Variants in LRRC57 observed in about 807,000 individuals in gnomAD.
LRRC57 encodes leucine-rich repeat-containing protein 57.
A neutral mutation model predicts 23.1 loss-of-function variants in LRRC57; 14 were observed. That is an observed-to-expected ratio of 0.61 (90% confidence interval 0.40 to 0.95). LRRC57 has a LOEUF of 0.95. Among genes scored for constraint, LRRC57 ranks in the 40% least tolerant of loss-of-function variants. The probability of loss-of-function intolerance (pLI) is 0.00; values close to 1 mark genes in which losing one functional copy is unlikely to be tolerated. For missense variants in LRRC57, 236 were observed against 284.4 expected, an observed-to-expected ratio of 0.83 and a Z score of 1.22; for synonymous variants, 106 against 115.2, an observed-to-expected ratio of 0.92 and a Z score of 0.51.
chr15:42,544,659 C>T (rs2057647357), intron 5 of LRRC57, among the ~76,000 whole-genome samples: 1 of 151,632 alleles, frequency 6.6e-6, no homozygotes, highest in Non-Finnish European at 1.5e-5. Flanking sequence ...CCCATCCCTG[C>T]AAAAGTTAGC....
the LRRC57 span, chr15:42,531,678 TTTTC>T: frequency 4.5e-6 from 2 of 440,622 alleles, no homozygotes; most frequent in Non-Finnish European, 8.0e-6. Flanking sequence ...CCTTCTAGTA[TTTTC>T]TTTCTCAATT....
In LRRC57 at chr15:42,541,158, C is replaced by G. The variant is rs2057627246; in HGVS notation, c.*2925G>C. 6.6e-6 allele frequency: 1 copy of G among 152,090 alleles called. No individual in the cohort carries two copies. Among genetic ancestry groups the G allele is most frequent in the Admixed American group, 6.6e-5 (1 of 15,260 alleles). 9.4% of individuals were successfully genotyped at this position (152,090 alleles called of 1,614,324 possible). ...ATTAAAATTTAGAAAAAACAAAACT[C>G]CTAAACTGGTATGGATAAACTAGTA... On this transcript the variant is annotated 3_prime_UTR_variant, in exon 6 of 6. Coordinates refer to ENST00000397130, the MANE Select transcript of LRRC57 (RefSeq NM_153260.3).
chr15:42,530,581 C>T, the LRRC57 span, among the ~76,000 whole-genome samples: 5 of 152,112 alleles, frequency 3.3e-5, no homozygotes, highest in African/African-American at 4.8e-5. Context: ...GACCTCGACT[C>T]TACTAAAAAA....
chr15:42,547,896 C>T, intron 3 of LRRC57: 1 of 581,572 alleles, frequency 1.7e-6, no homozygotes, highest in East Asian at 2.9e-5. Flanking sequence ...TCCAAATTAA[C>T]CCAGTAACAA....
At chr15:42,548,484 G>A (rs902244167) in intron 1 of LRRC57, 28 bp from the exon 2 acceptor site, 18 of 1,584,868 alleles carry the variant, frequency 1.1e-5, no homozygotes, top group Admixed American at 1.7e-5. Context: ...TGCTGTCACC[G>A]CCCAGTCCAC....
At position 42,541,466 on chromosome 15, in the gene LRRC57, T is replaced by C. The variant is rs2057629002; in HGVS notation, c.*2617A>G. 6.6e-6 allele frequency: 1 copy of C among 152,236 alleles called. No individual in the cohort carries two copies. The highest frequency in any genetic ancestry group is 1.5e-5 in the Non-Finnish European group (1 of 68,050). The allele number at this position is 152,236 out of a possible 1,614,324, so 9.4% of individuals were successfully genotyped here. A position where few individuals can be genotyped will look rare whatever the true frequency, so the allele number is the denominator to read the frequency against. Reference sequence around the variant, plus strand: ...TTGCAGTGAGCCAAGATAGTGCTACTGCGCTCCAGTCTGGAATGAAATTCT... The same window carrying C: ...TTGCAGTGAGCCAAGATAGTGCTACCGCGCTCCAGTCTGGAATGAAATTCT... On this transcript the variant is annotated 3_prime_UTR_variant, in exon 6 of 6. Transcript: ENST00000397130.
rs202237391 is a variant in LRRC57 at position 42,548,286 on chromosome 15, T to C, written c.85-42A>G. 2.5e-6 allele frequency: 4 copies of C among 1,613,866 alleles called. No individual in the cohort carries two copies. In the East Asian group the frequency reaches 6.7e-5, roughly 27 times the overall value. On this transcript the variant is annotated intron_variant, in intron 2 of 5. Transcript: ENST00000397130. The stretch of plus-strand genomic sequence containing the variant: ...ACAGCGTGGGGAATCCCGCACCGAC[T>C]AAGTTCGCCGCCCCCGCCGTCCCTC...
At position 42,548,199 on chromosome 15, in the gene LRRC57, C is replaced by G. The variant is rs775836007; in HGVS notation, c.130G>C (p.Asp44His). The G allele has an allele frequency of 1.9e-6, 3 of 1,614,160 alleles. No homozygotes were observed. The highest frequency in any genetic ancestry group is 2.5e-6 in the Non-Finnish European group (3 of 1,180,022). The change falls in exon 3 of 6, where the codon GAC (aspartate) becomes CAC (histidine). Residue 44 changes from aspartate to histidine, a missense_variant. Asp to His is a moderately conservative substitution (Grantham distance 81). Coordinates refer to ENST00000397130, the MANE Select transcript of LRRC57 (RefSeq NM_153260.3). ...CTTTCGATCTTGTTGTTGGACAAGTCGATGGTCCTGAGATTGCTCGTCAGC... is the reference window on the plus strand; with the variant it reads ...CTTTCGATCTTGTTGTTGGACAAGTGGATGGTCCTGAGATTGCTCGTCAGC... Reference protein sequence around the residue: ...QKLTSNLRTIDLSNNKIESLP... With the variant: ...QKLTSNLRTIHLSNNKIESLP...
downstream of LRRC57, among the ~76,000 whole-genome samples, chr15:42,533,590 T>A (rs2057584608): frequency 6.6e-6 from 1 of 152,210 alleles, no homozygotes; most frequent in Admixed American, 6.5e-5. Context: ...CTGTTCTGGA[T>A]AAAGGAAATA....
In LRRC57 at chr15:42,544,142, A is replaced by G; in HGVS notation, c.679-18T>C. On this transcript the variant is annotated intron_variant, in intron 5 of 5. Transcript: ENST00000397130. ...TCCATGTACTAAAAAACATGAAAGA[A>G]TACATAAGGGGTATTTTGGCATGAG... 1 of 1,603,230 alleles carries G rather than the reference A, an allele frequency of 6.2e-7. No individual in the cohort carries two copies. The highest frequency in any genetic ancestry group is 8.5e-7 in the Non-Finnish European group (1 of 1,173,230).
chr15:42,547,465 G>A lies in LRRC57; in HGVS notation c.288C>T (p.His96=), dbSNP rs933471879. ...KLETLSLNNN[H]LRELPSTFGQ... ...CAAAGGTAGACGGCAGCTCTCTAAG[G>A]TGATTGTTGTTTAGGCTTAGCGTCT... The change falls in exon 4 of 6, where the codon CAC becomes CAT. Residue 96 remains histidine (H), a synonymous_variant. Coordinates refer to ENST00000397130, the MANE Select transcript of LRRC57 (RefSeq NM_153260.3). 4 of 1,613,974 alleles carry A rather than the reference G, an allele frequency of 2.5e-6. No individual in the cohort carries two copies. The African/African-American group carries it at 4.0e-5, about 16-fold the overall frequency.
At chr15:42,537,180 A>G (rs1245017462), downstream of LRRC57, among the ~76,000 whole-genome samples, 1 of 150,730 alleles carries the variant, frequency 6.6e-6, no homozygotes, top group Non-Finnish European at 1.5e-5. Context: ...GGTGTTCAGG[A>G]CCAGCCTGGG....
At chr15:42,537,794 T>C (rs548376354), downstream of LRRC57, 17 of 152,286 alleles carry the variant, frequency 1.1e-4, no homozygotes, top group African/African-American at 4.1e-4. Flanking sequence ...TTAAGTGAAA[T>C]AATCCAGGCA....
the LRRC57 span, chr15:42,531,548 G>A: frequency 7.9e-7 from 1 of 1,263,910 alleles, no homozygotes; most frequent in East Asian, 2.4e-5. Context: ...TACCTTTTCA[G>A]AGTTTAAGTT....
At chr15:42,535,622 C>T (rs1459362214), downstream of LRRC57, among the ~76,000 whole-genome samples, 4 of 152,126 alleles carry the variant, frequency 2.6e-5, no homozygotes, top group East Asian at 1.9e-4. Flanking sequence ...GCCATGTTGG[C>T]GAGGCTGGTT....
At chr15:42,536,595 A>G (rs554843818), downstream of LRRC57, among the ~76,000 whole-genome samples, 1 of 152,358 alleles carries the variant, frequency 6.6e-6, no homozygotes, top group African/African-American at 2.4e-5. Flanking sequence ...ACCCAGGTTG[A>G]AACTTTCCCA....
At chr15:42,548,618 C>G (rs1359354897) in intron 1 of LRRC57, 75 bp downstream of exon 1, 2 of 653,182 alleles carry the variant, frequency 3.1e-6, no homozygotes, top group East Asian at 5.5e-5. Context: ...ACCACCAAGC[C>G]CTGCCGCCTT....
In LRRC57 at chr15:42,541,180, A is replaced by G. The variant is rs2057627435; in HGVS notation, c.*2903T>C. ...ACTCCTAAACTGGTATGGATAAACT[A>G]GTACCCCTTTCAAAGTGAGAAATAG... On this transcript the variant is annotated 3_prime_UTR_variant, in exon 6 of 6. Coordinates refer to ENST00000397130, the MANE Select transcript of LRRC57 (RefSeq NM_153260.3). 1 of 152,214 alleles carries G rather than the reference A, an allele frequency of 6.6e-6. No individual in the cohort carries two copies. Among genetic ancestry groups the G allele is most frequent in the East Asian group, 1.9e-4 (1 of 5,196 alleles). 9.4% of individuals were successfully genotyped at this position (152,214 alleles called of 1,614,324 possible). A position where few individuals can be genotyped will look rare whatever the true frequency, so the allele number is the denominator to read the frequency against.
chr15:42,547,947 T>A lies in LRRC57; in HGVS notation c.223+159A>T. The A allele has an allele frequency of 1.1e-5, 7 of 663,846 alleles. No individual in the cohort carries two copies. In the South Asian group the frequency reaches 1.4e-4, roughly 13 times the overall value. 41.1% of individuals were successfully genotyped at this position (663,846 alleles called of 1,614,324 possible). A position where few individuals can be genotyped will look rare whatever the true frequency, so the allele number is the denominator to read the frequency against. On this transcript the variant is annotated intron_variant, in intron 3 of 5. Transcript: ENST00000397130. Reference sequence around the variant, plus strand: ...ATCATTATAAGGCTTATTTTAGATGTAATTACAAGAAGTAGAAAGAAGGCT... The same window carrying A: ...ATCATTATAAGGCTTATTTTAGATGAAATTACAAGAAGTAGAAAGAAGGCT...
Sources: gnomAD v4.1 joint callset for allele counts (sites outside exome capture counted in the v4.1 genomes callset) on GRCh38, gnomAD v4.1.1 for gene constraint, MANE v1.5 for transcripts, NCBI Gene and HGNC (gene_info 2026-07-23, HGNC 2026-07-21) for gene names.